The following HHAT variants were observed in gnomAD, a reference collection of about 807,000 sequenced individuals.
HHAT encodes the protein hedgehog acyltransferase, also known as protein-cysteine N-palmitoyltransferase HHAT.
A neutral mutation model predicts 70.8 loss-of-function variants in HHAT; 47 were observed. The ratio of observed to expected loss-of-function variants is 0.66; its 90% CI spans 0.53 to 0.85. The LOEUF (loss-of-function observed/expected upper bound fraction) is 0.85. Ranked by LOEUF, HHAT falls within the 40% of genes least tolerant of loss-of-function variation. HHAT has a pLI of 0.00. For missense variants in HHAT, 609 were observed against 604.8 expected (o/e 1.01, Z -0.07); for synonymous variants, 228 against 247.6 (o/e 0.92, Z 0.74).
chr1:210,564,229 C>T (rs1455123025), intron 9 of HHAT, among the ~76,000 whole-genome samples: 3 of 151,836 alleles, frequency 2.0e-5, no homozygotes, highest in African/African-American at 7.3e-5. Context: ...TCCCAAAGTG[C>T]TGGGATTACA....
At chr1:210,531,240 CTGT>C (rs1206120920) in intron 9 of HHAT, among the ~76,000 whole-genome samples, 1 of 151,920 alleles carries the variant, frequency 6.6e-6, no homozygotes, top group African/African-American at 2.4e-5. Context: ...TATATGCAGT[CTGT>C]TGTTGACTGA....
intron 9 of HHAT, among the ~76,000 whole-genome samples, chr1:210,517,195 G>C (rs2148594761): frequency 6.6e-6 from 1 of 152,330 alleles, no homozygotes; most frequent in Admixed American, 6.5e-5. Context: ...ATAACAGGGT[G>C]GCTTGTTTAA....
chr1:210,362,903 T>A lies in HHAT; in HGVS notation c.143T>A (p.Phe48Tyr), dbSNP rs201701816. 5.0e-6 allele frequency: 8 copies of A among 1,613,062 alleles called. No individual in the cohort carries two copies. The African/African-American group carries it at 1.1e-4, about 22-fold the overall frequency. ...TTTGAGCTGGAGACTGACACTTTAT[T>A]TGGAGGATTAAAGAAGGTACAAAGT... ...QEFELETDTL[F>Y]GGLKKDATDF... Residue 48 changes from phenylalanine (F) to tyrosine (Y), a missense_variant, in exon 3 of 12, where the codon TTT (phenylalanine) becomes TAT (tyrosine). Transcript: ENST00000261458.
intron 1 of HHAT, among the ~76,000 whole-genome samples, chr1:210,342,466 A>G (rs542610638): frequency 2.0e-5 from 3 of 152,232 alleles, no homozygotes; most frequent in African/African-American, 4.8e-5. Flanking sequence ...CTCCTTCACT[A>G]TTACATATCA....
Position 210,672,321 on chromosome 1 carries a change from C to T in HHAT, c.1391-1967C>T, listed in dbSNP as rs896589425. 2.6e-5 allele frequency among the ~76,000 whole-genome samples: 4 copies of T among 152,178 alleles called. No homozygotes were observed. In the South Asian group the frequency reaches 6.2e-4, roughly 24 times the overall value. Reference sequence around the variant, plus strand: ...CCTGTAATCACCCCCAGGGGCTTCCCGCAGCCTCCTTCCTATTCCTACCAC... The same window carrying T: ...CCTGTAATCACCCCCAGGGGCTTCCTGCAGCCTCCTTCCTATTCCTACCAC... On this transcript the variant is annotated intron_variant, in intron 11 of 11. Coordinates refer to ENST00000261458, the MANE Select transcript of HHAT (RefSeq NM_018194.6).
intron 9 of HHAT, among the ~76,000 whole-genome samples, chr1:210,563,155 C>A (rs142697695): frequency 6.6e-6 from 1 of 151,982 alleles, no homozygotes; most frequent in Non-Finnish European, 1.5e-5. Context: ...CAAGTGATTC[C>A]GCCTGTGGTA....
chr1:210,449,284 T>C (rs2093699152), intron 7 of HHAT, among the ~76,000 whole-genome samples: 1 of 151,840 alleles, frequency 6.6e-6, no homozygotes, highest in African/African-American at 2.4e-5. Context: ...TCTACTTTTT[T>C]TTTTTTTCTA....
intron 2 of HHAT, among the ~76,000 whole-genome samples, chr1:210,355,262 T>G (rs17759021): frequency 0.19 from 29,124 of 152,170 alleles, 2,873 homozygotes; most frequent in African/African-American, 0.23. Flanking sequence ...ATGATAGTAG[T>G]TTTGCTTCAT....
At chr1:210,419,474 G>C (rs1396984113) in intron 7 of HHAT, among the ~76,000 whole-genome samples, 2 of 152,106 alleles carry the variant, frequency 1.3e-5, no homozygotes, top group African/African-American at 2.4e-5. Context: ...CTCCTTTTGA[G>C]GACTCCCGCA....
chr1:210,432,477 A>C (rs1208498155), intron 7 of HHAT, among the ~76,000 whole-genome samples: 3 of 152,126 alleles, frequency 2.0e-5, no homozygotes, highest in Non-Finnish European at 4.4e-5. Context: ...ATGGGAGGTC[A>C]TAATTGACTT....
chr1:210,476,495 C>A (rs1386277145), intron 8 of HHAT, among the ~76,000 whole-genome samples: 1 of 152,198 alleles, frequency 6.6e-6, no homozygotes, highest in African/African-American at 2.4e-5. Flanking sequence ...CTCTCACTCA[C>A]CTTACTGGCA....
intron 9 of HHAT, among the ~76,000 whole-genome samples, chr1:210,561,162 C>T (rs540427370): frequency 5.3e-5 from 8 of 152,272 alleles, no homozygotes; most frequent in African/African-American, 1.9e-4. Context: ...GTACCCTTGA[C>T]CTTCATCATG....
intron 3 of HHAT, among the ~76,000 whole-genome samples, chr1:210,386,713 G>A (rs1340094083): frequency 6.6e-6 from 1 of 152,030 alleles, no homozygotes; most frequent in African/African-American, 2.4e-5. Flanking sequence ...GTCCTTTCTG[G>A]GGCTCCTGAG....
chr1:210,477,473 G>A (rs1227069551), intron 8 of HHAT, among the ~76,000 whole-genome samples: 2 of 152,148 alleles, frequency 1.3e-5, no homozygotes, highest in Non-Finnish European at 2.9e-5. Flanking sequence ...GCATCCTTCT[G>A]TGGATTTTGG....
At chr1:210,599,569 C>T (rs748931336) in intron 10 of HHAT, among the ~76,000 whole-genome samples, 61 of 152,130 alleles carry the variant, frequency 4.0e-4, no homozygotes, top group Non-Finnish European at 7.5e-4. Context: ...GTACCTCTCT[C>T]CCCCTCAGAT....
At chr1:210,437,483 G>T (rs995652962) in intron 7 of HHAT, among the ~76,000 whole-genome samples, 1 of 151,796 alleles carries the variant, frequency 6.6e-6, no homozygotes, top group Non-Finnish European at 1.5e-5. Flanking sequence ...GAATATGGAA[G>T]GTCATAGAAA....
chr1:210,525,868 T>C (rs2095237796), intron 9 of HHAT, among the ~76,000 whole-genome samples: 1 of 152,250 alleles, frequency 6.6e-6, no homozygotes, highest in Admixed American at 6.5e-5. Context: ...GTGAGATCCA[T>C]GGTCTTAGGC....
intron 8 of HHAT, among the ~76,000 whole-genome samples, chr1:210,464,888 G>C (rs1379611158): frequency 6.6e-6 from 1 of 152,200 alleles, no homozygotes; most frequent in African/African-American, 2.4e-5. Flanking sequence ...TTCTGAGTCT[G>C]TGTACCGATG....
chr1:210,611,489 C>T lies in HHAT; in HGVS notation c.1246-12037C>T, dbSNP rs556094545. On this transcript the variant is annotated intron_variant, in intron 10 of 11. Coordinates refer to ENST00000261458, the MANE Select transcript of HHAT (RefSeq NM_018194.6). ...GACTTCCTCTCTTCCTATTTGAATG[C>T]GCTTTATTTATTTCTCTTGCCTGAT... Among the ~76,000 whole-genome samples, 9 of 152,144 alleles carry T rather than the reference C, an allele frequency of 5.9e-5. No homozygotes were observed. The South Asian group carries it at 8.3e-4, about 14-fold the overall frequency.
Sources: allele counts gnomAD v4.1 joint callset (sites outside exome capture counted in the v4.1 genomes callset), GRCh38; gene constraint gnomAD v4.1.1; transcripts MANE v1.5; gene names NCBI Gene and HGNC (gene_info 2026-07-23, HGNC 2026-07-21).